LRMDA: variants seen among roughly 807,000 people sequenced by gnomAD.
The protein encoded by LRMDA is leucine rich melanocyte differentiation associated.
Under a neutral mutation model 29.8 loss-of-function variants are expected in LRMDA, and 18 were observed. The ratio of observed to expected loss-of-function variants is 0.60; its 90% confidence interval spans 0.42 to 0.90. The LOEUF is 0.90. Ranked by LOEUF, LRMDA falls within the 40% of genes least tolerant of loss-of-function variation. The pLI is 0.00. For missense variants in LRMDA, 273 were observed against 273.9 expected (o/e 1.00, Z 0.02); for synonymous variants, 125 against 109.4 (o/e 1.14, Z -0.89).
chr10:76,233,481 G>A (rs2132275176), intron 5 of LRMDA, among the ~76,000 whole-genome samples: 1 of 152,264 alleles, frequency 6.6e-6, no homozygotes, highest in Middle Eastern at 3.4e-3. Context: ...CTTAAAAGAA[G>A]ACAACAATGA....
chr10:76,246,913 G>T (rs1301322758), intron 5 of LRMDA, among the ~76,000 whole-genome samples: 1 of 152,216 alleles, frequency 6.6e-6, no homozygotes, highest in East Asian at 1.9e-4. Flanking sequence ...AAATGGCAGA[G>T]CCAGGTCAGG....
At chr10:75,743,094 C>T (rs542346523) in intron 2 of LRMDA, among the ~76,000 whole-genome samples, 48 of 151,700 alleles carry the variant, frequency 3.2e-4, no homozygotes, top group Non-Finnish European at 5.3e-4. Flanking sequence ...TGTGTGGAGA[C>T]GAAAGCTGCC....
At chr10:76,039,342 A>T (rs1848304411) in intron 3 of LRMDA, among the ~76,000 whole-genome samples, 1 of 152,352 alleles carries the variant, frequency 6.6e-6, no homozygotes, top group Non-Finnish European at 1.5e-5. Context: ...AAAAAGTATT[A>T]GCTCTTTTGT....
At chr10:76,195,007 C>T (rs1157003092) in intron 5 of LRMDA, among the ~76,000 whole-genome samples, 1 of 152,152 alleles carries the variant, frequency 6.6e-6, no homozygotes, top group African/African-American at 2.4e-5. Context: ...CTGGGATGCT[C>T]TTTGGTCAAA....
At chr10:75,549,992 T>C (rs1030195453) in intron 2 of LRMDA, among the ~76,000 whole-genome samples, 2 of 152,216 alleles carry the variant, frequency 1.3e-5, no homozygotes, top group African/African-American at 4.8e-5. Flanking sequence ...CTTTTTATTG[T>C]TGAGTAGTAT....
intron 5 of LRMDA, among the ~76,000 whole-genome samples, chr10:76,265,184 T>A (rs1839991289): frequency 6.6e-6 from 1 of 152,162 alleles, no homozygotes; most frequent in African/African-American, 2.4e-5. Context: ...ATCCGGTCCG[T>A]TTATGTCTTT....
intron 5 of LRMDA, among the ~76,000 whole-genome samples, chr10:76,137,438 G>T (rs1850115796): frequency 6.6e-6 from 1 of 152,188 alleles, no homozygotes; most frequent in South Asian, 2.1e-4. Flanking sequence ...CTTGTCCATT[G>T]TCTGTGCAGG....
intron 5 of LRMDA, among the ~76,000 whole-genome samples, chr10:76,125,249 G>A (rs1039243947): frequency 2.6e-5 from 4 of 152,176 alleles, no homozygotes; most frequent in African/African-American, 9.7e-5. Flanking sequence ...TTTCTGCAGG[G>A]GTGGAGGGCT....
chr10:75,869,352 T>C (rs910852856), intron 2 of LRMDA, among the ~76,000 whole-genome samples: 2 of 152,204 alleles, frequency 1.3e-5, no homozygotes, highest in African/African-American at 4.8e-5. Context: ...CCCAGCCTGA[T>C]ACAGGCCCAT....
rs77136526 is a variant in LRMDA at position 75,530,705 on chromosome 10, C to T, written c.131+92211C>T. Among the ~76,000 whole-genome samples the T allele has an allele frequency of 1.6e-3, 241 of 152,278 alleles. 4 individuals carry two copies. The highest frequency in any genetic ancestry group is 0.012 in the East Asian group (61 of 5,188). ...GCCCTTGGTTTCAGGTAATGGCTCACTGAGACTGGGGAAGAACATGGGGCC... is the reference window on the plus strand; with the variant it reads ...GCCCTTGGTTTCAGGTAATGGCTCATTGAGACTGGGGAAGAACATGGGGCC... On this transcript the variant is annotated intron_variant, in intron 2 of 6. Coordinates refer to ENST00000611255, the MANE Select transcript of LRMDA (RefSeq NM_001305581.2).
chr10:75,868,906 C>A (rs1845063991), intron 2 of LRMDA, among the ~76,000 whole-genome samples: 1 of 152,182 alleles, frequency 6.6e-6, no homozygotes, highest in Non-Finnish European at 1.5e-5. Flanking sequence ...ACCCCTGGCA[C>A]ACACCTTATA....
At chr10:76,472,776 C>T (rs1842630690) in intron 6 of LRMDA, among the ~76,000 whole-genome samples, 1 of 151,326 alleles carries the variant, frequency 6.6e-6, no homozygotes, top group Admixed American at 6.6e-5. Context: ...AATTAGATAA[C>T]TTGGATGAAA....
At chr10:75,528,234 C>A (rs1246196176) in intron 2 of LRMDA, among the ~76,000 whole-genome samples, 1 of 152,208 alleles carries the variant, frequency 6.6e-6, no homozygotes, top group South Asian at 2.1e-4. Flanking sequence ...CTGAAAATAT[C>A]TCTGAAAGTT....
chr10:76,492,095 C>A (rs112787309), intron 6 of LRMDA, among the ~76,000 whole-genome samples: 143 of 152,152 alleles, frequency 9.4e-4, no homozygotes, highest in African/African-American at 3.2e-3. Flanking sequence ...TGAATTCCTT[C>A]TCTTCGTTAT....
At chr10:76,485,849 T>C (rs972081797) in intron 6 of LRMDA, among the ~76,000 whole-genome samples, 2 of 151,864 alleles carry the variant, frequency 1.3e-5, no homozygotes, top group African/African-American at 4.8e-5. Context: ...CTCTCGGGGT[T>C]TTTTACTACT....
intron 6 of LRMDA, among the ~76,000 whole-genome samples, chr10:76,330,533 T>G (rs879371966): frequency 1.3e-5 from 2 of 152,132 alleles, no homozygotes; most frequent in Admixed American, 1.3e-4. Context: ...TGGCTGGCTT[T>G]AAGGGATAGG....
intron 2 of LRMDA, among the ~76,000 whole-genome samples, chr10:75,739,239 T>C (rs1401096927): frequency 2.6e-5 from 4 of 152,206 alleles, no homozygotes; most frequent in African/African-American, 4.8e-5. Context: ...TTAATACATA[T>C]ATTATTTATA....
At chr10:76,106,896 C>G (rs1849495190) in intron 5 of LRMDA, among the ~76,000 whole-genome samples, 2 of 152,170 alleles carry the variant, frequency 1.3e-5, no homozygotes, top group Non-Finnish European at 2.9e-5. Context: ...TGATCATGTC[C>G]ATTCTTTTGC....
At position 76,457,476 on chromosome 10, in the gene LRMDA, T is replaced by C. The variant is rs140563938; in HGVS notation, c.602-99733T>C. The stretch of plus-strand genomic sequence containing the variant: ...AGACTGTATGCAAATGTCTTTCCAA[T>C]GGTCTATTTAGTGCTATGCTTTTCA... On this transcript the variant is annotated intron_variant, in intron 6 of 6. Coordinates refer to ENST00000611255, the MANE Select transcript of LRMDA (RefSeq NM_001305581.2). 5.3e-5 allele frequency among the ~76,000 whole-genome samples: 8 copies of C among 151,642 alleles called. No individual in the cohort carries two copies. The East Asian group carries it at 7.8e-4, about 15-fold the overall frequency.
Sources: allele counts gnomAD v4.1 joint callset (sites outside exome capture counted in the v4.1 genomes callset), GRCh38; gene constraint gnomAD v4.1.1; transcripts MANE v1.5; gene names NCBI Gene and HGNC (gene_info 2026-07-23, HGNC 2026-07-21).